CTCF: variants seen among roughly 807,000 people sequenced by gnomAD.
CTCF encodes CCCTC-binding factor.
CTCF carries 7 observed loss-of-function variants against 72.3 expected under a neutral mutation model. That is an observed-to-expected ratio of 0.10 (90% CI 0.06 to 0.18). CTCF has a LOEUF of 0.18. Ranked by LOEUF, CTCF falls within the 10% of genes least tolerant of loss-of-function variation. The pLI is 1.00. For missense variants in CTCF, 516 were observed against 949.1 expected, an observed-to-expected ratio of 0.54 and a Z score of 6.00; for synonymous variants, 374 against 315.8, an observed-to-expected ratio of 1.18 and a Z score of -1.95.
chr16:67,568,112 CTCTG>C (rs1164128837), intron 1 of CTCF: 1 of 151,460 alleles, frequency 6.6e-6, no homozygotes, highest in African/African-American at 2.4e-5. Flanking sequence ...ATGGAGTTCA[CTCTG>C]TCTCCCAGGC....
chr16:67,605,637 AG>A (rs976458658), intron 2 of CTCF, among the ~76,000 whole-genome samples: 4 of 152,232 alleles, frequency 2.6e-5, no homozygotes, highest in Admixed American at 2.6e-4. Flanking sequence ...TTGCCCTTAA[AG>A]AGCTTTCACA....
At chr16:67,570,169 CG>C (rs1476400136) in intron 1 of CTCF, among the ~76,000 whole-genome samples, 2 of 149,702 alleles carry the variant, frequency 1.3e-5, no homozygotes, top group Non-Finnish European at 3.0e-5. Flanking sequence ...CTCCGCCTCC[CG>C]GGTTCATGCC....
intron 7 of CTCF, among the ~76,000 whole-genome samples, chr16:67,624,398 T>G (rs1278761449): frequency 6.6e-6 from 1 of 151,990 alleles, no homozygotes; most frequent in Non-Finnish European, 1.5e-5. Flanking sequence ...CTTTCCACTC[T>G]TCTTCCTAAG....
At chr16:67,616,552 T>A in intron 4 of CTCF, 193 bp from the exon 5 acceptor site, 1 of 613,510 alleles carries the variant, frequency 1.6e-6, no homozygotes, top group Non-Finnish European at 2.9e-6. Context: ...TGTTATAATA[T>A]CCTGGTGTTA....
chr16:67,618,274 C>T (rs1273618389), intron 5 of CTCF, among the ~76,000 whole-genome samples: 5 of 152,058 alleles, frequency 3.3e-5, no homozygotes, highest in Admixed American at 1.3e-4. Flanking sequence ...TGGCAGCATG[C>T]GCCTGTAGTC....
chr16:67,622,085 G>A (rs556559978), intron 7 of CTCF, among the ~76,000 whole-genome samples: 45 of 152,098 alleles, frequency 3.0e-4, no homozygotes, highest in Non-Finnish European at 8.8e-5. Flanking sequence ...GGCCGGGCGC[G>A]GCAGCTCACA....
chr16:67,575,108 G>A (rs575718677), intron 2 of CTCF, among the ~76,000 whole-genome samples: 1 of 152,072 alleles, frequency 6.6e-6, no homozygotes, highest in Non-Finnish European at 1.5e-5. Context: ...CTTTAGTCAC[G>A]CGTTGTGTTG....
At chr16:67,572,290 G>A (rs565817585) in intron 2 of CTCF, among the ~76,000 whole-genome samples, 3 of 152,286 alleles carry the variant, frequency 2.0e-5, no homozygotes, top group Admixed American at 6.5e-5. Context: ...AATAACTTAC[G>A]CCCTGCAGGT....
chr16:67,609,921 C>T (rs1472160119), intron 2 of CTCF, among the ~76,000 whole-genome samples: 1 of 152,094 alleles, frequency 6.6e-6, no homozygotes, highest in African/African-American at 2.4e-5. Flanking sequence ...CCACCGTGCC[C>T]GGCCTGGCCT....
In CTCF at chr16:67,583,697, A is replaced by AC. The variant is rs1290669856; in HGVS notation, c.-10+12433_-10+12434insC. 1.1e-4 allele frequency among the ~76,000 whole-genome samples: 17 copies of AC among 152,168 alleles called. 1 individual carries two copies. Among genetic ancestry groups the AC allele is most frequent in the African/African-American group, 3.9e-4 (16 of 41,518 alleles). ...GTGAGTTTTGGTCTCAAAAAAAAAA[A>AC]AACAAAAGAGCATATATCTTGATGC... On this transcript the variant is annotated intron_variant, in intron 2 of 11. Transcript: ENST00000264010.
chr16:67,636,569 G>GTATATATATATATA lies in CTCF; in HGVS notation c.1838-113_1838-100dup, dbSNP rs66893507. The GTATATATATATATA allele has an allele frequency of 8.3e-4, 203 of 244,732 alleles. 1 individual carries two copies. Among genetic ancestry groups the GTATATATATATATA allele is most frequent in the African/African-American group, 4.9e-3 (191 of 38,918 alleles). 15.2% of individuals were successfully genotyped at this position (244,732 alleles called of 1,614,324 possible). On this transcript the variant is annotated intron_variant, in intron 10 of 11. Transcript: ENST00000264010. ...TCAAAAAAAAAAAAAGAAAGAAAGT[G>GTATATATATATATA]TATATATATATATATATATATTTAT...
chr16:67,636,723 A>G lies in CTCF; in HGVS notation c.1871A>G (p.Asp624Gly). The G allele has an allele frequency of 6.2e-7, 1 of 1,610,158 alleles. No homozygotes were observed. Among genetic ancestry groups the G allele is most frequent in the South Asian group, 1.1e-5 (1 of 90,054 alleles). ...GAACCAGATCTGGACGACAATGAGG[A>G]TGAGGAGGAGCCTGCCGTAGAAATT... The part of the protein sequence containing the change: ...NAEPDLDDNE[D>G]EEEPAVEIEP... Residue 624 changes from aspartate to glycine, a missense_variant, in exon 11 of 12, where the codon GAT (aspartate) becomes GGT (glycine). This residue lies in a region of CTCF where 157 missense variants were observed against 172.9 expected (regional missense o/e 0.91). Coordinates refer to ENST00000264010, the MANE Select transcript of CTCF (RefSeq NM_006565.4).
intron 2 of CTCF, among the ~76,000 whole-genome samples, chr16:67,577,236 G>A (rs564681775): frequency 6.6e-6 from 1 of 151,716 alleles, no homozygotes; most frequent in East Asian, 2.0e-4. Context: ...GGCTAACACA[G>A]TGAAACCCCG....
intron 3 of CTCF, 142 bp downstream of exon 3, chr16:67,611,755 T>TTA: frequency 9.7e-7 from 1 of 1,026,010 alleles, no homozygotes. Context: ...CAGTCTAAAA[T>TTA]AAGTTTTTTC....
chr16:67,591,153 C>T (rs373680399), intron 2 of CTCF, among the ~76,000 whole-genome samples: 1 of 151,142 alleles, frequency 6.6e-6, no homozygotes, highest in South Asian at 2.1e-4. Context: ...ATTAGCTAGT[C>T]GTGGTGATGC....
intron 2 of CTCF, among the ~76,000 whole-genome samples, chr16:67,595,163 G>GA (rs1218887309): frequency 6.6e-6 from 1 of 152,146 alleles, no homozygotes; most frequent in African/African-American, 2.4e-5. Context: ...CAATATTCTG[G>GA]ATAGAACAAG....
At chr16:67,584,606 G>C (rs934219872) in intron 2 of CTCF, among the ~76,000 whole-genome samples, 1 of 151,466 alleles carries the variant, frequency 6.6e-6, no homozygotes, top group African/African-American at 2.4e-5. Flanking sequence ...GATTACAGGC[G>C]TGAGCCACCG....
intron 2 of CTCF, among the ~76,000 whole-genome samples, chr16:67,579,937 G>T (rs1447461131): frequency 6.6e-6 from 1 of 152,144 alleles, no homozygotes; most frequent in Non-Finnish European, 1.5e-5. Flanking sequence ...TGCTGATAGG[G>T]CCCTGAAGCA....
At chr16:67,619,274 A>G (rs2052171582) in intron 5 of CTCF, among the ~76,000 whole-genome samples, 1 of 152,112 alleles carries the variant, frequency 6.6e-6, no homozygotes, top group Admixed American at 6.6e-5. Flanking sequence ...CGTCTCTACT[A>G]AAAATACAGA....
Sources: gnomAD v4.1 joint callset for allele counts (sites outside exome capture counted in the v4.1 genomes callset) on GRCh38, gnomAD v4.1.1 for gene constraint, gnomAD v4.1.1 regional missense constraint, MANE v1.5 for transcripts, NCBI Gene and HGNC (gene_info 2026-07-23, HGNC 2026-07-21) for gene names.